WWOX: variants seen among roughly 807,000 people sequenced by gnomAD.
The protein encoded by WWOX is WW domain containing oxidoreductase.
A neutral mutation model predicts 46.2 loss-of-function variants in WWOX; 69 were observed. That is an observed-to-expected ratio of 1.49 (90% CI 1.23 to 1.82). The LOEUF (loss-of-function observed/expected upper bound fraction) is 1.82, where lower values mean the gene tolerates loss of function less well. WWOX is among the 40% of genes most tolerant of loss of function. The probability of loss-of-function intolerance (pLI) is 0.00; values close to 1 mark genes in which losing one functional copy is unlikely to be tolerated. For synonymous variants in WWOX, 359 were observed against 202.6 expected (o/e 1.77, Z -6.56); for missense variants, 919 against 542.6 (o/e 1.69, Z -6.89).
In WWOX at chr16:78,537,271, C is replaced by A. The variant is rs150068858; in HGVS notation, c.1056+104519C>A. Among the ~76,000 whole-genome samples the A allele has an allele frequency of 5.2e-3, 791 of 152,224 alleles. 3 individuals are homozygous for A. Among genetic ancestry groups the A allele is most frequent in the Middle Eastern group, 0.02 (6 of 294 alleles). ...TCTGCCTGCCTCCCTGTCTCCCTGC[C>A]TTCCTTCCATCTGTTTGTTATCTGA... On this transcript the variant is annotated intron_variant, in intron 8 of 8. Coordinates refer to ENST00000566780, the MANE Select transcript of WWOX (RefSeq NM_016373.4).
intron 8 of WWOX, among the ~76,000 whole-genome samples, chr16:78,504,145 A>G (rs1223962693): frequency 1.3e-5 from 2 of 152,242 alleles, no homozygotes; most frequent in African/African-American, 4.8e-5. Flanking sequence ...AGAAACTACA[A>G]AACTAGGCAT....
Position 78,939,428 on chromosome 16 carries a change from A to T in WWOX, c.1057-272180A>T, listed in dbSNP as rs147970305. ...TTTGATTCTTGGTTCTTTCTTTGGC[A>T]TTAGCTCACCAGTGGCAAATATGTA... On this transcript the variant is annotated intron_variant, in intron 8 of 8. Transcript: ENST00000566780. Among the ~76,000 whole-genome samples the T allele has an allele frequency of 2.5e-3, 379 of 152,300 alleles. 1 individual carries two copies. Among genetic ancestry groups the T allele is most frequent in the African/African-American group, 8.7e-3 (360 of 41,572 alleles).
At chr16:78,236,025 G>A (rs1318947453) in intron 5 of WWOX, among the ~76,000 whole-genome samples, 1 of 152,200 alleles carries the variant, frequency 6.6e-6, no homozygotes, top group Non-Finnish European at 1.5e-5. Context: ...AGCAGCCACA[G>A]ATAATATATA....
intron 8 of WWOX, among the ~76,000 whole-genome samples, chr16:79,145,818 T>G (rs1199611958): frequency 6.6e-6 from 1 of 152,096 alleles, no homozygotes; most frequent in Non-Finnish European, 1.5e-5. Context: ...AAGATGGAGA[T>G]AGAAAAAAAC....
intron 8 of WWOX, among the ~76,000 whole-genome samples, chr16:79,046,492 G>A (rs1291602523): frequency 6.6e-6 from 1 of 152,216 alleles, no homozygotes; most frequent in Non-Finnish European, 1.5e-5. Context: ...AAGGTTCACT[G>A]TCTGGTGAAG....
At chr16:78,987,779 A>G (rs1254748119) in intron 8 of WWOX, among the ~76,000 whole-genome samples, 1 of 152,082 alleles carries the variant, frequency 6.6e-6, no homozygotes, top group East Asian at 1.9e-4. Context: ...GGGCTGATGA[A>G]CTTGTCAACT....
At chr16:79,124,311 C>T (rs1342355427) in intron 8 of WWOX, among the ~76,000 whole-genome samples, 1 of 151,560 alleles carries the variant, frequency 6.6e-6, no homozygotes, top group East Asian at 1.9e-4. Flanking sequence ...AAATGCATTT[C>T]CAATGGTGAC....
chr16:78,411,202 G>A (rs1252832496), intron 6 of WWOX, among the ~76,000 whole-genome samples: 1 of 152,170 alleles, frequency 6.6e-6, no homozygotes, highest in Non-Finnish European at 1.5e-5. Context: ...TGAAAACCAG[G>A]AAGCAGGGAG....
At chr16:78,822,027 C>G (rs1597670278) in intron 8 of WWOX, among the ~76,000 whole-genome samples, 1 of 152,244 alleles carries the variant, frequency 6.6e-6, no homozygotes, top group East Asian at 1.9e-4. Context: ...TAGGCATGCA[C>G]CACCATGCCC....
rs545418732 is a variant in WWOX, at chr16:78,556,670, G to C, written c.1056+123918G>C. The stretch of plus-strand genomic sequence containing the variant: ...CCGGTGTGTGATTTTGCACAACACT[G>C]CTTTGTATTTGTTTTCCCTGAGACC... On this transcript the variant is annotated intron_variant, in intron 8 of 8. Transcript: ENST00000566780. Among the ~76,000 whole-genome samples the C allele has an allele frequency of 3.7e-3, 561 of 152,212 alleles. 2 individuals carry two copies. The highest frequency in any genetic ancestry group is 5.4e-3 in the Non-Finnish European group (365 of 67,996).
chr16:78,506,276 G>A (rs915958337), intron 8 of WWOX, among the ~76,000 whole-genome samples: 26 of 152,316 alleles, frequency 1.7e-4, no homozygotes, highest in Admixed American at 1.0e-3. Flanking sequence ...TGTTTTTGGC[G>A]CGTGCTGACA....
intron 8 of WWOX, among the ~76,000 whole-genome samples, chr16:78,592,686 C>G (rs1912804): frequency 0.8 from 121,651 of 152,108 alleles, 49,069 homozygotes; most frequent in Middle Eastern, 0.89. Flanking sequence ...AATTGCATTT[C>G]GCTGCTGCTA....
chr16:78,313,905 A>G (rs1335670868), intron 5 of WWOX, among the ~76,000 whole-genome samples: 1 of 152,188 alleles, frequency 6.6e-6, no homozygotes, highest in African/African-American at 2.4e-5. Flanking sequence ...GTCCAGTCTT[A>G]GAGTGATTTT....
chr16:78,162,472 A>AATATATAT (rs10668078), intron 4 of WWOX, among the ~76,000 whole-genome samples: 1 of 150,750 alleles, frequency 6.6e-6, no homozygotes, highest in Non-Finnish European at 1.5e-5. Flanking sequence ...CACAGACATA[A>AATATATAT]ATATATATAT....
intron 8 of WWOX, among the ~76,000 whole-genome samples, chr16:78,475,453 G>C (rs1484655731): frequency 6.6e-6 from 1 of 152,184 alleles, no homozygotes; most frequent in African/African-American, 2.4e-5. Flanking sequence ...TTGCAGAAGA[G>C]AATAAGGTGT....
chr16:78,134,645 T>C (rs1466518455), intron 4 of WWOX, among the ~76,000 whole-genome samples: 1 of 152,146 alleles, frequency 6.6e-6, no homozygotes, highest in Non-Finnish European at 1.5e-5. Context: ...GTTGAGAAAA[T>C]AAAGCACTCC....
At chr16:78,642,801 A>G (rs187115852) in intron 8 of WWOX, among the ~76,000 whole-genome samples, 92 of 152,294 alleles carry the variant, frequency 6.0e-4, no homozygotes, top group African/African-American at 2.1e-3. Flanking sequence ...CAGATGCAGG[A>G]AAAACATCTC....
chr16:78,290,779 C>T (rs2050463744), intron 5 of WWOX, among the ~76,000 whole-genome samples: 1 of 151,970 alleles, frequency 6.6e-6, no homozygotes. Flanking sequence ...GAGCACTTTT[C>T]AAAATGTGCT....
chr16:78,710,400 A>T (rs997781372), intron 8 of WWOX, among the ~76,000 whole-genome samples: 1 of 146,334 alleles, frequency 6.8e-6, no homozygotes, highest in Non-Finnish European at 1.5e-5. Flanking sequence ...CGCATCTGCT[A>T]TGCAGCATTG....
Sources: allele counts gnomAD v4.1 joint callset (sites outside exome capture counted in the v4.1 genomes callset), GRCh38; gene constraint gnomAD v4.1.1; transcripts MANE v1.5; gene names NCBI Gene and HGNC (gene_info 2026-07-23, HGNC 2026-07-21).